MACROD2: variants seen among roughly 807,000 people sequenced by gnomAD.
The protein encoded by MACROD2 is ADP-ribose glycohydrolase MACROD2.
MACROD2 carries 36 observed loss-of-function variants against 70.4 expected under a neutral mutation model. That is an observed-to-expected ratio of 0.51 (90% confidence interval 0.39 to 0.68). The LOEUF is 0.68. MACROD2 is among the 30% of genes least tolerant of loss of function. The pLI, the probability that MACROD2 is intolerant of heterozygous loss-of-function variation, is 0.00. For synonymous variants in MACROD2, 172 were observed against 178.8 expected (o/e 0.96, Z 0.30); for missense variants, 496 against 538.4 (o/e 0.92, Z 0.78).
At chr20:14,430,252 C>T (rs2083980009) in intron 3 of MACROD2, among the ~76,000 whole-genome samples, 1 of 152,090 alleles carries the variant, frequency 6.6e-6, no homozygotes, top group Non-Finnish European at 1.5e-5. Flanking sequence ...GCAGACTTTC[C>T]AAAGACTTAG....
At chr20:15,089,572 G>T (rs1304690534) in intron 5 of MACROD2, among the ~76,000 whole-genome samples, 3 of 152,054 alleles carry the variant, frequency 2.0e-5, no homozygotes, top group Admixed American at 2.0e-4. Flanking sequence ...ATAGCATAAT[G>T]TATTTTATGC....
intron 2 of MACROD2, among the ~76,000 whole-genome samples, chr20:14,066,960 C>T (rs2148658808): frequency 6.6e-6 from 1 of 151,114 alleles, no homozygotes; most frequent in Non-Finnish European, 1.5e-5. Context: ...TACAGGCGCC[C>T]ACCACCACGC....
At chr20:15,203,683 T>C (rs983389208) in intron 5 of MACROD2, among the ~76,000 whole-genome samples, 2 of 152,122 alleles carry the variant, frequency 1.3e-5, no homozygotes, top group African/African-American at 2.4e-5. Flanking sequence ...TTTAATCTTC[T>C]AGTCCAAGGT....
intron 3 of MACROD2, among the ~76,000 whole-genome samples, chr20:14,276,309 G>A (rs966419431): frequency 2.7e-5 from 4 of 150,538 alleles, no homozygotes; most frequent in African/African-American, 9.8e-5. Flanking sequence ...AAAAAATGAT[G>A]AGTTCATGTC....
intron 5 of MACROD2, among the ~76,000 whole-genome samples, chr20:14,960,513 G>A (rs1025697179): frequency 2.0e-5 from 3 of 152,128 alleles, no homozygotes; most frequent in Admixed American, 6.5e-5. Context: ...GAGGGTTTTC[G>A]TATGTTTTTT....
At chr20:15,769,785 G>A (rs1473714396) in intron 8 of MACROD2, among the ~76,000 whole-genome samples, 5 of 152,062 alleles carry the variant, frequency 3.3e-5, no homozygotes, top group Admixed American at 1.3e-4. Flanking sequence ...ACTTCTCTTC[G>A]AAGAGTTTAA....
intron 5 of MACROD2, among the ~76,000 whole-genome samples, chr20:15,040,891 T>G (rs1227496691): frequency 6.6e-6 from 1 of 152,192 alleles, no homozygotes; most frequent in Non-Finnish European, 1.5e-5. Flanking sequence ...CTGAACTATG[T>G]GTTTATGGCC....
intron 3 of MACROD2, among the ~76,000 whole-genome samples, chr20:14,164,169 G>T (rs778913044): frequency 6.6e-6 from 1 of 152,076 alleles, no homozygotes; most frequent in Non-Finnish European, 1.5e-5. Flanking sequence ...TTGATTCTGG[G>T]TGTGTGCAGT....
intron 3 of MACROD2, among the ~76,000 whole-genome samples, chr20:14,171,466 A>G (rs763159633): frequency 2.0e-5 from 3 of 152,000 alleles, no homozygotes; most frequent in Non-Finnish European, 2.9e-5. Flanking sequence ...AGACTTTTAG[A>G]TGTGGGCTTT....
chr20:14,480,407 T>C (rs1372427406), intron 3 of MACROD2, among the ~76,000 whole-genome samples: 1 of 152,228 alleles, frequency 6.6e-6, no homozygotes, highest in Non-Finnish European at 1.5e-5. Context: ...ATCTATTGCA[T>C]CTGGAATACC....
intron 12 of MACROD2, among the ~76,000 whole-genome samples, chr20:15,945,220 T>C (rs2065805586): frequency 6.6e-6 from 1 of 152,208 alleles, no homozygotes; most frequent in African/African-American, 2.4e-5. Context: ...ATTTTTTTAG[T>C]CATTATTAAA....
chr20:15,874,746 C>T (rs1033235353), intron 9 of MACROD2, among the ~76,000 whole-genome samples: 3 of 151,996 alleles, frequency 2.0e-5, no homozygotes, highest in African/African-American at 7.2e-5. Context: ...ATGTGGTAGG[C>T]GGAAAAATGT....
chr20:14,468,412 A>G (rs2084482975), intron 3 of MACROD2, among the ~76,000 whole-genome samples: 1 of 144,142 alleles, frequency 6.9e-6, no homozygotes, highest in South Asian at 2.2e-4. Flanking sequence ...AGTCTGTTTT[A>G]TCAGAGACTA....
rs142797914 is a variant in MACROD2 at position 15,009,377 on chromosome 20, G to A, written c.419-220563G>A. Among the ~76,000 whole-genome samples, 65 of 152,244 alleles carry A rather than the reference G, an allele frequency of 4.3e-4. No homozygotes were observed. In the Middle Eastern group the frequency reaches 0.01, roughly 24 times the overall value. On this transcript the variant is annotated intron_variant, in intron 5 of 17. Coordinates refer to ENST00000684519, the MANE Select transcript of MACROD2 (RefSeq NM_001351661.2). ...ATAAAGCCCTCCTAAAGATTGCTGT[G>A]GGATTATGGAAGCTTCTTGGGTGCC... is the stretch of plus-strand genomic sequence containing the variant.
At chr20:14,134,629 A>G (rs2054766489) in intron 3 of MACROD2, among the ~76,000 whole-genome samples, 1 of 152,014 alleles carries the variant, frequency 6.6e-6, no homozygotes, top group Admixed American at 6.6e-5. Context: ...ACATGGTGAA[A>G]CCCTGTCTCT....
At chr20:13,998,175 G>A (rs1374150251) in intron 1 of MACROD2, among the ~76,000 whole-genome samples, 1 of 151,956 alleles carries the variant, frequency 6.6e-6, no homozygotes, top group African/African-American at 2.4e-5. Context: ...CAAAGAAAAT[G>A]CATATATATT....
chr20:16,035,792 G>A (rs2067227486), intron 15 of MACROD2, among the ~76,000 whole-genome samples: 1 of 106,452 alleles, frequency 9.4e-6, no homozygotes, highest in East Asian at 2.9e-4. Context: ...ATCCACATGA[G>A]CTGAGTCCTG....
chr20:14,029,326 A>G (rs1337092920), intron 2 of MACROD2, among the ~76,000 whole-genome samples: 1 of 152,208 alleles, frequency 6.6e-6, no homozygotes, highest in Non-Finnish European at 1.5e-5. Context: ...AATTGAACAT[A>G]TATAGTATGT....
intron 5 of MACROD2, among the ~76,000 whole-genome samples, chr20:14,928,431 C>A (rs763218889): frequency 4.6e-5 from 7 of 152,098 alleles, no homozygotes; most frequent in Non-Finnish European, 1.0e-4. Flanking sequence ...AAAATAAAAG[C>A]TTTAAAAGGT....
Sources: allele counts gnomAD v4.1 joint callset (sites outside exome capture counted in the v4.1 genomes callset), GRCh38; gene constraint gnomAD v4.1.1; transcripts MANE v1.5; gene names NCBI Gene and HGNC (gene_info 2026-07-23, HGNC 2026-07-21).